KCNMA1: variants seen among roughly 807,000 people sequenced by gnomAD.
KCNMA1 encodes potassium calcium-activated channel subfamily M alpha 1, also known as Calcium-activated potassium channel subunit alpha-1.
A neutral mutation model predicts 140.0 loss-of-function variants in KCNMA1; 29 were observed. The ratio of observed to expected loss-of-function variants is 0.21; its 90% confidence interval spans 0.15 to 0.28. The LOEUF (loss-of-function observed/expected upper bound fraction) is 0.28, where lower values mean the gene tolerates loss of function less well. Among genes scored for constraint, KCNMA1 ranks in the 10% least tolerant of loss-of-function variants. The pLI is 1.00. For synonymous variants in KCNMA1, 612 were observed against 611.9 expected (o/e 1.00, Z 0.00); for missense variants, 880 against 1,602.2 (o/e 0.55, Z 7.70).
intron 2 of KCNMA1, among the ~76,000 whole-genome samples, chr10:77,347,227 A>T (rs1214657316): frequency 6.6e-6 from 1 of 152,198 alleles, no homozygotes; most frequent in Non-Finnish European, 1.5e-5. Flanking sequence ...CTCATCATAT[A>T]CCAGGCCTTG....
At chr10:76,975,499 T>C (rs1260314489) in intron 19 of KCNMA1, 4 of 152,262 alleles carry the variant, frequency 2.6e-5, no homozygotes, top group Non-Finnish European at 5.9e-5. Context: ...AATTTGGTAG[T>C]ATGATTCCTG....
At chr10:77,637,205 A>AG in intron 1 of KCNMA1, 60 bp downstream of exon 1, 1 of 1,464,632 alleles carries the variant, frequency 6.8e-7, no homozygotes, top group South Asian at 1.2e-5. Flanking sequence ...GGTGGGCTGC[A>AG]GGGGACGCCG....
At chr10:77,105,993 T>C (rs2097191178) in intron 9 of KCNMA1, among the ~76,000 whole-genome samples, 1 of 152,230 alleles carries the variant, frequency 6.6e-6, no homozygotes, top group South Asian at 2.1e-4. Context: ...CTTGTTTTAC[T>C]GACTGGAAAA....
At chr10:77,307,715 T>G (rs191987392) in intron 2 of KCNMA1, among the ~76,000 whole-genome samples, 1 of 152,078 alleles carries the variant, frequency 6.6e-6, no homozygotes, top group Admixed American at 6.5e-5. Context: ...CCCAGCTAAT[T>G]TTTTTGTATT....
At chr10:77,299,377 C>A (rs1036316953) in intron 2 of KCNMA1, among the ~76,000 whole-genome samples, 1 of 152,200 alleles carries the variant, frequency 6.6e-6, no homozygotes, top group African/African-American at 2.4e-5. Flanking sequence ...GCTGCTTTGA[C>A]AGCCTGCATG....
chr10:77,522,127 A>G (rs891155071), intron 1 of KCNMA1, among the ~76,000 whole-genome samples: 10 of 151,960 alleles, frequency 6.6e-5, no homozygotes, highest in Admixed American at 2.0e-4. Flanking sequence ...GTGAGCCAAG[A>G]TCATGTCACT....
intron 5 of KCNMA1, among the ~76,000 whole-genome samples, chr10:77,159,282 A>G (rs1376221035): frequency 2.0e-5 from 3 of 152,214 alleles, no homozygotes; most frequent in Non-Finnish European, 4.4e-5. Context: ...TAGGAAAACA[A>G]TAGCCAAGTA....
At chr10:76,982,188 T>C (rs1358625091) in intron 19 of KCNMA1, among the ~76,000 whole-genome samples, 2 of 152,198 alleles carry the variant, frequency 1.3e-5, no homozygotes, top group East Asian at 3.8e-4. Flanking sequence ...AGAAATTAGA[T>C]AATTGCATTA....
chr10:77,437,264 G>A (rs181212281), intron 1 of KCNMA1, among the ~76,000 whole-genome samples: 92 of 152,232 alleles, frequency 6.0e-4, no homozygotes, highest in Admixed American at 1.4e-3. Context: ...AAAGGATGGA[G>A]GGTAAAGAAA....
chr10:77,426,610 G>A (rs1395668984), intron 1 of KCNMA1, among the ~76,000 whole-genome samples: 1 of 152,226 alleles, frequency 6.6e-6, no homozygotes, highest in Admixed American at 6.5e-5. Context: ...ATAGTCTCTT[G>A]TCTTGCGGAG....
intron 10 of KCNMA1, among the ~76,000 whole-genome samples, chr10:77,087,229 G>T (rs2096712350): frequency 6.6e-6 from 1 of 152,108 alleles, no homozygotes; most frequent in African/African-American, 2.4e-5. Context: ...AACACCACCA[G>T]CTTTCCTGGG....
At chr10:77,384,970 T>A (rs2095552168) in intron 2 of KCNMA1, among the ~76,000 whole-genome samples, 1 of 152,224 alleles carries the variant, frequency 6.6e-6, no homozygotes, top group South Asian at 2.1e-4. Context: ...GCTTATTGGA[T>A]GTGTGATCTC....
At chr10:77,147,237 G>C (rs1013554500) in intron 5 of KCNMA1, among the ~76,000 whole-genome samples, 16 of 152,168 alleles carry the variant, frequency 1.1e-4, no homozygotes, top group Admixed American at 1.0e-3. Flanking sequence ...TAGACTGTTT[G>C]AATTAAGTGT....
In KCNMA1 at chr10:77,395,701, AGTGTTCTATGG is replaced by A. The variant is rs778514984; in HGVS notation, c.540+8150_540+8160del. Among the ~76,000 whole-genome samples the A allele has an allele frequency of 5.9e-5, 9 of 152,252 alleles. 1 individual carries two copies. Among genetic ancestry groups the A allele is most frequent in the South Asian group, 4.1e-4 (2 of 4,836 alleles). ...TTATCCGGGAACAATTCGTGGGTCTAGTGTTCTATGGAACCTAATTAAAGCCATGAGGATAA... is the reference window on the plus strand; with the variant it reads ...TTATCCGGGAACAATTCGTGGGTCTAAACCTAATTAAAGCCATGAGGATAA... On this transcript the variant is annotated intron_variant, in intron 2 of 27. Coordinates refer to ENST00000286628, the MANE Select transcript of KCNMA1 (RefSeq NM_001161352.2).
intron 23 of KCNMA1, among the ~76,000 whole-genome samples, chr10:76,940,395 A>G (rs932011872): frequency 1.3e-5 from 2 of 152,216 alleles, no homozygotes; most frequent in African/African-American, 4.8e-5. Context: ...GCAGCTGTCC[A>G]ATGAAGGCTC....
At chr10:76,906,350 T>C (rs1197509320) in intron 25 of KCNMA1, among the ~76,000 whole-genome samples, 1 of 152,248 alleles carries the variant, frequency 6.6e-6, no homozygotes, top group Non-Finnish European at 1.5e-5. Flanking sequence ...TGTGATCTTC[T>C]TAGAGACATA....
chr10:77,189,484 T>C (rs1411359687), intron 3 of KCNMA1, among the ~76,000 whole-genome samples: 2 of 152,142 alleles, frequency 1.3e-5, no homozygotes, highest in Admixed American at 6.6e-5. Flanking sequence ...AGAGAGTACC[T>C]GCTGAGCACA....
At chr10:77,423,900 C>A (rs2096921553) in intron 1 of KCNMA1, among the ~76,000 whole-genome samples, 1 of 152,176 alleles carries the variant, frequency 6.6e-6, no homozygotes, top group Admixed American at 6.5e-5. Context: ...CCAAGGCCAG[C>A]ATGTAATTTC....
intron 1 of KCNMA1, among the ~76,000 whole-genome samples, chr10:77,439,332 C>T (rs2097344690): frequency 6.6e-6 from 1 of 152,138 alleles, no homozygotes; most frequent in Non-Finnish European, 1.5e-5. Context: ...GAAAAGCAAC[C>T]TAGAAAGTAC....
Sources: allele counts gnomAD v4.1 joint callset (sites outside exome capture counted in the v4.1 genomes callset), GRCh38; gene constraint gnomAD v4.1.1; transcripts MANE v1.5; gene names NCBI Gene and HGNC (gene_info 2026-07-23, HGNC 2026-07-21).